The following IRAK4 variants were observed in gnomAD, a reference collection of about 807,000 sequenced individuals.
IRAK4 encodes interleukin 1 receptor associated kinase 4.
A neutral mutation model predicts 51.8 loss-of-function variants in IRAK4; 44 were observed. That is an observed-to-expected ratio of 0.85 (90% confidence interval 0.67 to 1.09). The LOEUF is 1.09. Ranked by LOEUF, IRAK4 falls within the 50% of genes least tolerant of loss-of-function variation. The pLI, the probability that IRAK4 is intolerant of heterozygous loss-of-function variation, is 0.00. For missense variants in IRAK4, 487 were observed against 538.0 expected, an observed-to-expected ratio of 0.91 and a Z score of 0.94; for synonymous variants, 149 against 174.1, an observed-to-expected ratio of 0.86 and a Z score of 1.13.
At chr12:43,762,881 C>G (rs1479351333) in intron 1 of IRAK4, among the ~76,000 whole-genome samples, 1 of 152,172 alleles carries the variant, frequency 6.6e-6, no homozygotes, top group East Asian at 1.9e-4. Context: ...GAACTCTTCT[C>G]CCTTCAAATA....
At chr12:43,770,013 A>G (rs1295613260) in intron 2 of IRAK4, among the ~76,000 whole-genome samples, 1 of 152,250 alleles carries the variant, frequency 6.6e-6, no homozygotes, top group Non-Finnish European at 1.5e-5. Flanking sequence ...GCACAATTTT[A>G]TCAATTATTC....
At chr12:43,761,896 C>A (rs1012613249) in intron 1 of IRAK4, among the ~76,000 whole-genome samples, 3 of 152,122 alleles carry the variant, frequency 2.0e-5, no homozygotes, top group Non-Finnish European at 2.9e-5. Flanking sequence ...AATGGGTTTT[C>A]TTTACTATGA....
chr12:43,784,278 T>C (rs891526082), intron 10 of IRAK4, among the ~76,000 whole-genome samples: 6 of 152,192 alleles, frequency 3.9e-5, no homozygotes, highest in Admixed American at 3.9e-4. Context: ...TGTGACCAAA[T>C]GCGACTGGGA....
rs528253603 is a variant in IRAK4, at chr12:43,765,366, A to T, written c.-9-2737A>T. Among the ~76,000 whole-genome samples the T allele has an allele frequency of 4.6e-5, 7 of 152,336 alleles. No homozygotes were observed. The East Asian group carries it at 1.3e-3, about 29-fold the overall frequency. On this transcript the variant is annotated intron_variant, in intron 1 of 11. Coordinates refer to ENST00000613694, the MANE Select transcript of IRAK4 (RefSeq NM_016123.4). ...CAGGCTTCATCTTCAACATCATCTC[A>T]TCCCTTAAAATGAGTTACTGATTTG... is the stretch of plus-strand genomic sequence containing the variant.
chr12:43,778,054 A>G, intron 7 of IRAK4, 139 bp from the exon 8 acceptor site: 1 of 642,102 alleles, frequency 1.6e-6, no homozygotes, highest in South Asian at 2.0e-5. Flanking sequence ...ATTTTTAATA[A>G]CTTAAAAATG....
chr12:43,779,724 G>C (rs963326116), intron 8 of IRAK4, among the ~76,000 whole-genome samples: 1 of 152,150 alleles, frequency 6.6e-6, no homozygotes, highest in Admixed American at 6.5e-5. Context: ...AAAAAGACTT[G>C]GTTAGGTTGG....
chr12:43,773,672 T>C (rs570348350), intron 5 of IRAK4: 3 of 276,804 alleles, frequency 1.1e-5, no homozygotes, highest in Non-Finnish European at 2.1e-5. Flanking sequence ...AAATTGCTTA[T>C]GTTTTCTGTT....
At position 43,772,170 on chromosome 12, in the gene IRAK4, CATTT is replaced by C. The variant is rs1398090429; in HGVS notation, c.308-9_308-6del. ...CTGAAAAACCACTTGTATCTTACTT[CATTT>C]GTTAGATGCTGTTCCCAAAACTGCT... On this transcript the variant is annotated splice_region_variant and splice_polypyrimidine_tract_variant and intron_variant, in intron 3 of 11. Coordinates refer to ENST00000613694, the MANE Select transcript of IRAK4 (RefSeq NM_016123.4). 6.2e-7 allele frequency: 1 copy of C among 1,608,772 alleles called. No individual in the cohort carries two copies. Among genetic ancestry groups the C allele is most frequent in the Admixed American group, 1.7e-5 (1 of 59,996 alleles).
At position 43,768,272 on chromosome 12, in the gene IRAK4, G is replaced by A. The variant is rs1345805635; in HGVS notation, c.161G>A (p.Arg54Lys). ...GATAGATACAATCAGTTTCACATAAGGTAACAGATAAAATTCTTTGTATTT... is the reference window on the plus strand; with the variant it reads ...GATAGATACAATCAGTTTCACATAAAGTAACAGATAAAATTCTTTGTATTT... The part of the protein sequence containing the change: ...GDDRYNQFHI[R>K]RFEALLQTGK... The change falls in exon 2 of 12, where the codon AGG (arginine) becomes AAG (lysine). Residue 54 changes from arginine to lysine, a missense_variant and splice_region_variant. Physicochemically the swap from Arg to Lys is conservative, Grantham distance 26. Transcript: ENST00000613694. The A allele has an allele frequency of 6.2e-6, 10 of 1,602,066 alleles. No individual in the cohort carries two copies. The highest frequency in any genetic ancestry group is 3.3e-5 in the Admixed American group (2 of 59,706).
chr12:43,785,412 A>G (rs1309264753), intron 10 of IRAK4, among the ~76,000 whole-genome samples: 1 of 151,716 alleles, frequency 6.6e-6, no homozygotes, highest in East Asian at 1.9e-4. Flanking sequence ...TGTTGGGTAC[A>G]GGGAGGAGGA....
intron 8 of IRAK4, 52 bp from the exon 9 acceptor site, chr12:43,782,255 T>A: frequency 7.6e-7 from 1 of 1,317,640 alleles, no homozygotes; most frequent in Admixed American, 1.7e-5. Context: ...ACTGTTTGAC[T>A]TTTTTGGGGT....
At position 43,773,983 on chromosome 12, in the gene IRAK4, G is replaced by A. The variant is rs201500711; in HGVS notation, c.670G>A (p.Glu224Lys). ...TTTTCAGATGGTTGACATTACTACTGAAGAACTGAAACAGCAGTTTGATCA... is the reference window on the plus strand; with the variant it reads ...TTTTCAGATGGTTGACATTACTACTAAAGAACTGAAACAGCAGTTTGATCA... ...KLAAMVDITT[E>K]ELKQQFDQEI... The change falls in exon 6 of 12, where the codon GAA (glutamate) becomes AAA (lysine). Residue 224 changes from glutamate (E) to lysine (K), a missense_variant. Transcript: ENST00000613694. 117 of 1,606,684 alleles carry A rather than the reference G, an allele frequency of 7.3e-5. No individual in the cohort carries two copies. Among genetic ancestry groups the A allele is most frequent in the Non-Finnish European group, 9.8e-5 (115 of 1,174,316 alleles).
intron 6 of IRAK4, among the ~76,000 whole-genome samples, chr12:43,775,304 A>G (rs1252428019): frequency 6.6e-6 from 1 of 152,176 alleles, no homozygotes; most frequent in Non-Finnish European, 1.5e-5. Flanking sequence ...ACAGGAAAAC[A>G]TTTTTAAAAT....
chr12:43,778,138 CTG>C, intron 7 of IRAK4, 53 bp from the exon 8 acceptor site: 1 of 1,012,714 alleles, frequency 9.9e-7, no homozygotes, highest in Non-Finnish European at 1.6e-6. Context: ...TATATATTCT[CTG>C]TAGATTTTTT....
At chr12:43,783,896 A>G (rs922085971) in intron 10 of IRAK4, among the ~76,000 whole-genome samples, 172 bp downstream of exon 10, 1 of 152,232 alleles carries the variant, frequency 6.6e-6, no homozygotes, top group Non-Finnish European at 1.5e-5. Flanking sequence ...CAGCTCTCCC[A>G]TGAAGTATTT....
At chr12:43,759,651 T>G (rs1384118373) in intron 1 of IRAK4, 3 of 152,880 alleles carry the variant, frequency 2.0e-5, no homozygotes, top group Admixed American at 6.5e-5. Flanking sequence ...GGCGGATCGC[T>G]TGAGGTCAGG....
In IRAK4 at chr12:43,782,413, G is replaced by A. The variant is rs1842625797; in HGVS notation, c.1048G>A (p.Gly350Arg). Residue 350 changes from glycine (G) to arginine (R), a missense_variant, in exon 9 of 12, where the codon GGA becomes AGA. By Grantham distance (125) the Gly-to-Arg change is moderately radical. Coordinates refer to ENST00000613694, the MANE Select transcript of IRAK4 (RefSeq NM_016123.4). Reference sequence around the variant, plus strand: ...GACAGTCATGACTAGCAGAATTGTGGGAACAACAGCTTATATGGCACCAGA... The same window carrying A: ...GACAGTCATGACTAGCAGAATTGTGAGAACAACAGCTTATATGGCACCAGA... ...AQTVMTSRIV[G>R]TTAYMAPEAL... The A allele has an allele frequency of 6.2e-7, 1 of 1,613,894 alleles. No individual in the cohort carries two copies. Among genetic ancestry groups the A allele is most frequent in the Non-Finnish European group, 8.5e-7 (1 of 1,179,854 alleles).
chr12:43,762,311 G>T (rs370653980), intron 1 of IRAK4, among the ~76,000 whole-genome samples: 18 of 152,148 alleles, frequency 1.2e-4, no homozygotes, highest in African/African-American at 2.4e-4. Context: ...TGGAAGCCTG[G>T]GTGCAGGAGA....
At chr12:43,771,174 A>C in intron 2 of IRAK4, 46 bp from the exon 3 acceptor site, 1 of 1,491,082 alleles carries the variant, frequency 6.7e-7, no homozygotes, top group Non-Finnish European at 9.3e-7. Context: ...CACAAAATGG[A>C]CTAAGACAAT....
Sources: gnomAD v4.1 joint callset for allele counts (sites outside exome capture counted in the v4.1 genomes callset) on GRCh38, gnomAD v4.1.1 for gene constraint, MANE v1.5 for transcripts, NCBI Gene and HGNC (gene_info 2026-07-23, HGNC 2026-07-21) for gene names.